LRRC41: variants seen among roughly 807,000 people sequenced by gnomAD.
The protein encoded by LRRC41 is leucine-rich repeat-containing protein 41.
Under a neutral mutation model 72.1 loss-of-function variants are expected in LRRC41, and 17 were observed. The ratio of observed to expected loss-of-function variants is 0.24; its 90% CI spans 0.16 to 0.35. LRRC41 has a LOEUF of 0.35. Among genes scored for constraint, LRRC41 ranks in the 10% least tolerant of loss-of-function variants. The pLI, the probability that LRRC41 is intolerant of heterozygous loss-of-function variation, is 1.00. For synonymous variants in LRRC41, 427 were observed against 431.0 expected, an observed-to-expected ratio of 0.99 and a Z score of 0.11; for missense variants, 759 against 1,065.0, an observed-to-expected ratio of 0.71 and a Z score of 4.00.
At chr1:46,283,431 C>G (rs556923768) in intron 4 of LRRC41, among the ~76,000 whole-genome samples, 74 of 152,270 alleles carry the variant, frequency 4.9e-4, no homozygotes, top group Non-Finnish European at 8.8e-4. Flanking sequence ...CCAGCCCGGC[C>G]TATATGGGGA....
rs771350521 is a variant in LRRC41 at position 46,286,476 on chromosome 1, C to G, written c.381G>C (p.Lys127Asn). Residue 127 changes from lysine (K) to asparagine (N), a missense_variant, in exon 4 of 10, where the codon AAG becomes AAC. By Grantham distance (94) the Lys-to-Asn change is moderately conservative. This residue lies in a region of LRRC41 where 116 missense variants were observed against 250.9 expected (regional missense o/e 0.46). Transcript: ENST00000617190. This position sits in a 1 kb window ranked among gnomAD's most constrained non-coding sequence, Gnocchi z 5.5. ...CATGGGAAAAAAAGGCCTCCATAAA[C>G]TTGGCTCGCCAACATGTCACACTCT... ...SLESVTCWRAKFMEAFFSHVL... is the reference protein window; with the variant it reads ...SLESVTCWRANFMEAFFSHVL... 2 of 1,601,622 alleles carry G rather than the reference C, an allele frequency of 1.2e-6. No homozygotes were observed. The highest frequency in any genetic ancestry group is 1.7e-6 in the Non-Finnish European group (2 of 1,172,636).
At chr1:46,284,531 C>T (rs769027382) in intron 4 of LRRC41, 1 of 152,066 alleles carries the variant, frequency 6.6e-6, no homozygotes, top group Non-Finnish European at 1.5e-5. Flanking sequence ...TTTTTATATA[C>T]TTTGTTGTGA....
chr1:46,278,746 A>C lies in LRRC41; in HGVS notation c.*119T>G, dbSNP rs778226109. On this transcript the variant is annotated 3_prime_UTR_variant, in exon 10 of 10. Coordinates refer to ENST00000617190, the MANE Select transcript of LRRC41 (RefSeq NM_006369.5). ...CTCAGTGCAAGGGAAGAAGGAAAAA[A>C]GAGAAAAAAGGTGACAGAAAGAGAA... The C allele has an allele frequency of 1.9e-6, 2 of 1,036,254 alleles. No individual in the cohort carries two copies. Among genetic ancestry groups the C allele is most frequent in the Admixed American group, 4.6e-5 (2 of 43,502 alleles). The allele number at this position is 1,036,254 out of a possible 1,614,324, so 64.2% of individuals were successfully genotyped here.
At chr1:46,295,058 TTTTA>T (rs1207115937) in intron 3 of LRRC41, among the ~76,000 whole-genome samples, 1 of 152,080 alleles carries the variant, frequency 6.6e-6, no homozygotes, top group Non-Finnish European at 1.5e-5. Context: ...ACAGATCTTT[TTTTA>T]TTTGTTAGTT....
At chr1:46,288,362 T>C (rs539826522) in intron 3 of LRRC41, among the ~76,000 whole-genome samples, 20 of 152,346 alleles carry the variant, frequency 1.3e-4, no homozygotes, top group African/African-American at 4.8e-4. Flanking sequence ...AAAATGTAGA[T>C]AACCTGCTTC....
In LRRC41 at chr1:46,286,510, G is replaced by A; in HGVS notation, c.358-11C>T. 1.3e-6 allele frequency: 2 copies of A among 1,579,040 alleles called. No individual in the cohort carries two copies. Among genetic ancestry groups the A allele is most frequent in the Non-Finnish European group, 1.7e-6 (2 of 1,161,652 alleles). On this transcript the variant is annotated splice_polypyrimidine_tract_variant and intron_variant, in intron 3 of 9. Coordinates refer to ENST00000617190, the MANE Select transcript of LRRC41 (RefSeq NM_006369.5). The surrounding 1 kb of genome is among the most constrained non-coding windows in gnomAD (Gnocchi z 5.5). ...CCAACATGTCACACTCTGAAACGCAGAAAACATGCCAGACAGCCATGATAT... is the reference window on the plus strand; with the variant it reads ...CCAACATGTCACACTCTGAAACGCAAAAAACATGCCAGACAGCCATGATAT...
chr1:46,283,967 A>T (rs1296948068), intron 4 of LRRC41, among the ~76,000 whole-genome samples: 1 of 152,162 alleles, frequency 6.6e-6, no homozygotes, highest in East Asian at 1.9e-4. Context: ...CCCGGCCAAG[A>T]AAACATTTTT....
In LRRC41 at chr1:46,282,163, C is replaced by T. The variant is rs148269166; in HGVS notation, c.1496-778G>A. Reference sequence around the variant, plus strand: ...TGGCTACATGAGGCTCAGGAAACAGCTCTAGAGGGCAGGGCACTGGAGGCC... The same window carrying T: ...TGGCTACATGAGGCTCAGGAAACAGTTCTAGAGGGCAGGGCACTGGAGGCC... On this transcript the variant is annotated intron_variant, in intron 4 of 9. Transcript: ENST00000617190. Among the ~76,000 whole-genome samples the T allele has an allele frequency of 4.8e-3, 732 of 151,874 alleles. 3 individuals carry two copies. Among genetic ancestry groups the T allele is most frequent in the Non-Finnish European group, 7.5e-3 (513 of 68,008 alleles).
chr1:46,283,612 G>A (rs1405018588), intron 4 of LRRC41, among the ~76,000 whole-genome samples: 1 of 152,128 alleles, frequency 6.6e-6, no homozygotes, highest in Non-Finnish European at 1.5e-5. Flanking sequence ...TAGCATAGTT[G>A]GCCTTTGAAA....
chr1:46,287,254 A>G (rs1169380789), intron 3 of LRRC41, among the ~76,000 whole-genome samples: 1 of 151,268 alleles, frequency 6.6e-6, no homozygotes, highest in African/African-American at 2.4e-5. Flanking sequence ...GACTACAGGC[A>G]CCCGCCACCA....
At chr1:46,295,233 G>T (rs1346973432) in intron 3 of LRRC41, among the ~76,000 whole-genome samples, 1 of 151,896 alleles carries the variant, frequency 6.6e-6, no homozygotes, top group East Asian at 1.9e-4. Context: ...CCAGTTCTTT[G>T]TATTTTTAGT....
rs761972872 is a variant in LRRC41 at position 46,281,212 on chromosome 1, C to T, written c.1669G>A (p.Val557Ile). The change falls in exon 5 of 10, where the codon GTT becomes ATT. Residue 557 changes from valine (V) to isoleucine (I), a missense_variant. By Grantham distance (29) the Val-to-Ile change is conservative. Transcript: ENST00000617190. ...LPLLRVLSIRVDHPSQRDNPG... is the reference protein window; with the variant it reads ...LPLLRVLSIRIDHPSQRDNPG... ...TTGTCCCGCTGGCTTGGGTGGTCAACACGAATAGAGAGGACCCGTAGCAGG... is the reference window on the plus strand; with the variant it reads ...TTGTCCCGCTGGCTTGGGTGGTCAATACGAATAGAGAGGACCCGTAGCAGG... 1 of 1,614,164 alleles carries T rather than the reference C, an allele frequency of 6.2e-7. No homozygotes were observed. The highest frequency in any genetic ancestry group is 8.5e-7 in the Non-Finnish European group (1 of 1,180,034).
chr1:46,301,940 C>T (rs748247024), intron 1 of LRRC41: 39 of 985,110 alleles, frequency 4.0e-5, no homozygotes, highest in Non-Finnish European at 4.3e-5. Context: ...CGAGGCCTCC[C>T]CTGTCCCCAG....
intron 3 of LRRC41, among the ~76,000 whole-genome samples, chr1:46,290,928 T>TG (rs1557716702): frequency 5.5e-5 from 8 of 145,858 alleles, no homozygotes; most frequent in East Asian, 4.0e-4. Flanking sequence ...TTTTTTTTTT[T>TG]TTTTTTTTTT....
intron 5 of LRRC41, 31 bp from the exon 6 acceptor site, chr1:46,280,591 TG>T (rs772125144): frequency 1.4e-5 from 22 of 1,608,418 alleles, no homozygotes; most frequent in Non-Finnish European, 1.4e-5. Context: ...AGATTCCAGC[TG>T]GCCATCTCTA....
Position 46,302,907 on chromosome 1 carries a change from C to G in LRRC41, c.199+217G>C, listed in dbSNP as rs976307805. 4 of 984,790 alleles carry G rather than the reference C, an allele frequency of 4.1e-6. No individual in the cohort carries two copies. Among genetic ancestry groups the G allele is most frequent in the Middle Eastern group, 5.2e-4 (1 of 1,908 alleles). The allele number at this position is 984,790 out of a possible 1,614,324, so 61.0% of individuals were successfully genotyped here. A position where few individuals can be genotyped will look rare whatever the true frequency, so the allele number is the denominator to read the frequency against. ...TGGCCTCGCCCCCCGCGCCCCCGAG[C>G]CAGGCCGCGGTGCGGGTCAGCCTGC... On this transcript the variant is annotated intron_variant, in intron 1 of 9. Transcript: ENST00000617190. This position sits in a 1 kb window ranked among gnomAD's most constrained non-coding sequence, Gnocchi z 4.7.
chr1:46,292,990 C>T lies in LRRC41; in HGVS notation c.357+4573G>A, dbSNP rs183358643. Among the ~76,000 whole-genome samples, 1,015 of 152,202 alleles carry T rather than the reference C, an allele frequency of 6.7e-3. 7 individuals carry two copies. Among genetic ancestry groups the T allele is most frequent in the Non-Finnish European group, 0.011 (738 of 68,024 alleles). ...CACGAGGTCAAGAGATGGAGACCATCCTGGCCAACATGGTGAAACCTCATC... is the reference window on the plus strand; with the variant it reads ...CACGAGGTCAAGAGATGGAGACCATTCTGGCCAACATGGTGAAACCTCATC... On this transcript the variant is annotated intron_variant, in intron 3 of 9. Coordinates refer to ENST00000617190, the MANE Select transcript of LRRC41 (RefSeq NM_006369.5).
chr1:46,277,518 AAATCTGAAGCTGCAGCAG>A lies in LRRC41; in HGVS notation c.*1329_*1346del. ...TGAGTTAGAGTTGGGCTTGGTGCAGAAATCTGAAGCTGCAGCAGACAAACCTCAGTTCACCCTGACGGG... is the reference window on the plus strand; with the variant it reads ...TGAGTTAGAGTTGGGCTTGGTGCAGAACAAACCTCAGTTCACCCTGACGGG... On this transcript the variant is annotated 3_prime_UTR_variant, in exon 10 of 10. Coordinates refer to ENST00000617190, the MANE Select transcript of LRRC41 (RefSeq NM_006369.5). The A allele has an allele frequency of 2.1e-6, 1 of 470,646 alleles. No individual in the cohort carries two copies. The highest frequency in any genetic ancestry group is 3.9e-6 in the Non-Finnish European group (1 of 256,820). The allele number at this position is 470,646 out of a possible 1,614,324, so 29.2% of individuals were successfully genotyped here.
At position 46,286,410 on chromosome 1, in the gene LRRC41, A is replaced by C. The variant is rs754928950; in HGVS notation, c.447T>G (p.Leu149=). ...GTIDVSSDRR[L]CDQRFSPLLH... ...GAAGAGGTGAGAACCGCTGATCACA[A>C]AGACGCCTGTCAGAAGACACATCAA... is the stretch of plus-strand genomic sequence containing the variant. Residue 149 remains leucine, a synonymous_variant, in exon 4 of 10, where the codon CTT becomes CTG. Transcript: ENST00000617190. The surrounding 1 kb of genome is among the most constrained non-coding windows in gnomAD (Gnocchi z 5.5). The C allele has an allele frequency of 1.9e-6, 3 of 1,614,216 alleles. No individual in the cohort carries two copies. Among genetic ancestry groups the C allele is most frequent in the South Asian group, 1.1e-5 (1 of 91,078 alleles).
Sources: gnomAD v4.1 joint callset for allele counts (sites outside exome capture counted in the v4.1 genomes callset) on GRCh38, gnomAD v4.1.1 for gene constraint, gnomAD v4.1.1 regional missense constraint, Gnocchi (gnomAD v3.1) non-coding constraint, MANE v1.5 for transcripts, NCBI Gene and HGNC (gene_info 2026-07-23, HGNC 2026-07-21) for gene names.